Variants in LIMS1 observed in about 807,000 individuals in gnomAD.
The protein encoded by LIMS1 is LIM zinc finger domain containing 1, also known as LIM and senescent cell antigen-like-containing domain protein 1.
Under a neutral mutation model 44.1 loss-of-function variants are expected in LIMS1, and 18 were observed. The ratio of observed to expected loss-of-function variants is 0.41; its 90% confidence interval spans 0.28 to 0.61. The LOEUF is 0.61. Ranked by LOEUF, LIMS1 falls within the 20% of genes least tolerant of loss-of-function variation. LIMS1 has a pLI of 0.32. For missense variants in LIMS1, 201 were observed against 422.0 expected (o/e 0.48, Z 4.59); for synonymous variants, 93 against 149.1 (o/e 0.62, Z 2.74).
At chr2:108,567,361 C>A (rs999572935) in intron 1 of LIMS1, among the ~76,000 whole-genome samples, 4 of 152,124 alleles carry the variant, frequency 2.6e-5, no homozygotes, top group Admixed American at 6.6e-5. Flanking sequence ...CATCTTGCTC[C>A]CTGAGCTGCT....
chr2:108,683,058 T>A (rs1251949043), intron 9 of LIMS1, among the ~76,000 whole-genome samples: 1 of 152,226 alleles, frequency 6.6e-6, no homozygotes, highest in Non-Finnish European at 1.5e-5. Context: ...TGCTCTAGCT[T>A]TTCAAAAGAA....
chr2:108,596,824 A>AAAAAAT (rs950696233), intron 1 of LIMS1, among the ~76,000 whole-genome samples: 1 of 152,114 alleles, frequency 6.6e-6, no homozygotes, highest in East Asian at 1.9e-4. Flanking sequence ...CCGTCTCAAA[A>AAAAAAT]AAAAATAAAA....
At chr2:108,631,700 CCA>C (rs1688932939) in intron 1 of LIMS1, among the ~76,000 whole-genome samples, 1 of 152,140 alleles carries the variant, frequency 6.6e-6, no homozygotes, top group Admixed American at 6.5e-5. Flanking sequence ...CACACAGACT[CCA>C]GGCTGTGATG....
At chr2:108,593,140 A>T (rs1317617559) in intron 1 of LIMS1, among the ~76,000 whole-genome samples, 1 of 152,114 alleles carries the variant, frequency 6.6e-6, no homozygotes, top group Non-Finnish European at 1.5e-5. Flanking sequence ...TTTACTCTGC[A>T]TCATTTATGC....
chr2:108,657,032 G>T (rs1573570410), intron 1 of LIMS1, among the ~76,000 whole-genome samples: 1 of 94,772 alleles, frequency 1.1e-5, no homozygotes, highest in Non-Finnish European at 2.2e-5. Flanking sequence ...AAAAATAACT[G>T]TTTTCCAAAA....
At chr2:108,646,595 T>A in intron 1 of LIMS1, among the ~76,000 whole-genome samples, 1 of 151,712 alleles carries the variant, frequency 6.6e-6, no homozygotes, top group Admixed American at 6.6e-5. Flanking sequence ...GCAAACAAAT[T>A]CAAAAGCTAG....
At position 108,678,161 on chromosome 2, in the gene LIMS1, A is replaced by T. The variant is rs1230742920; in HGVS notation, c.823+134A>T. 4.3e-6 allele frequency: 4 copies of T among 928,138 alleles called. No individual in the cohort carries two copies. The African/African-American group carries it at 6.7e-5, about 16-fold the overall frequency. 57.5% of individuals were successfully genotyped at this position (928,138 alleles called of 1,614,324 possible). On this transcript the variant is annotated intron_variant, in intron 8 of 9. Transcript: ENST00000544547. ...GTTACTTTTTCTCTATCTTTGGCGTATTTTCCAAGTAATCTGTAGCAGTAA... is the reference window on the plus strand; with the variant it reads ...GTTACTTTTTCTCTATCTTTGGCGTTTTTTCCAAGTAATCTGTAGCAGTAA...
At chr2:108,590,850 G>A (rs1486821713) in intron 1 of LIMS1, among the ~76,000 whole-genome samples, 3 of 152,108 alleles carry the variant, frequency 2.0e-5, no homozygotes, top group Admixed American at 1.3e-4. Context: ...TGTGTTTTCC[G>A]CTTTAGCCTG....
chr2:108,605,249 A>G (rs1344729187), intron 1 of LIMS1, among the ~76,000 whole-genome samples: 1 of 152,208 alleles, frequency 6.6e-6, no homozygotes, highest in African/African-American at 2.4e-5. Flanking sequence ...GCATTGGTCC[A>G]TGTGGTACAC....
intron 1 of LIMS1, among the ~76,000 whole-genome samples, chr2:108,600,873 A>G (rs1242846541): frequency 2.1e-5 from 3 of 143,818 alleles, no homozygotes; most frequent in Middle Eastern, 3.2e-3. Context: ...GAATCCACAT[A>G]AATTTTAGAA....
At chr2:108,534,478 G>A (rs1684044735) in exon 1 of LIMS1, 1 of 1,084,528 alleles carries the variant, frequency 9.2e-7, no homozygotes, top group South Asian at 4.5e-5. Context: ...CCAGTAGCCG[G>A]CCGCGGCGGC....
chr2:108,657,469 C>G (rs1369056349), intron 1 of LIMS1, among the ~76,000 whole-genome samples: 16 of 152,290 alleles, frequency 1.1e-4, no homozygotes, highest in South Asian at 4.1e-4. Flanking sequence ...TGAGAATGAC[C>G]AGGCAGATGT....
chr2:108,630,212 A>G (rs201719878), intron 1 of LIMS1, among the ~76,000 whole-genome samples: 2,918 of 137,098 alleles, frequency 0.021, 36 homozygotes, highest in South Asian at 0.032. Flanking sequence ...AAAAAAAAAA[A>G]AAAGAAAGAA....
chr2:108,656,560 C>T (rs1690868970), intron 1 of LIMS1, among the ~76,000 whole-genome samples: 1 of 151,380 alleles, frequency 6.6e-6, no homozygotes, highest in African/African-American at 2.4e-5. Flanking sequence ...GGGTCAAAGG[C>T]AAAAGAGGAA....
chr2:108,650,345 A>C (rs939646331), intron 1 of LIMS1, among the ~76,000 whole-genome samples: 1 of 152,222 alleles, frequency 6.6e-6, no homozygotes, highest in African/African-American at 2.4e-5. Flanking sequence ...GTTGTAGCTA[A>C]ATAAGATAAG....
chr2:108,626,356 C>T (rs1688575517), intron 1 of LIMS1, among the ~76,000 whole-genome samples: 1 of 152,160 alleles, frequency 6.6e-6, no homozygotes, highest in Non-Finnish European at 1.5e-5. Flanking sequence ...AATGAGCAAA[C>T]ACATGGGACA....
intron 1 of LIMS1, among the ~76,000 whole-genome samples, chr2:108,594,104 T>C (rs1431312675): frequency 6.6e-6 from 1 of 152,194 alleles, no homozygotes; most frequent in Non-Finnish European, 1.5e-5. Context: ...ATTTTAATAA[T>C]TTATTAATGA....
intron 1 of LIMS1, among the ~76,000 whole-genome samples, chr2:108,550,611 C>G (rs187384764): frequency 2.4e-4 from 36 of 148,922 alleles, no homozygotes; most frequent in African/African-American, 9.0e-4. Flanking sequence ...GTCAGGAGAT[C>G]GAGACCATCC....
At chr2:108,663,854 G>A (rs528506885) in intron 2 of LIMS1, among the ~76,000 whole-genome samples, 1 of 151,804 alleles carries the variant, frequency 6.6e-6, no homozygotes, top group East Asian at 1.9e-4. Flanking sequence ...TTGCGGCCTC[G>A]AGTGCTTCTC....
Sources: allele counts gnomAD v4.1 joint callset (sites outside exome capture counted in the v4.1 genomes callset), GRCh38; gene constraint gnomAD v4.1.1; transcripts MANE v1.5; gene names NCBI Gene and HGNC (gene_info 2026-07-23, HGNC 2026-07-21).